Variants in RYR3 observed in about 807,000 individuals in gnomAD.
RYR3 encodes the protein ryanodine receptor 3.
RYR3 carries 207 observed loss-of-function variants against 584.3 expected under a neutral mutation model. That is an observed-to-expected ratio of 0.35 (90% CI 0.32 to 0.40). The LOEUF (loss-of-function observed/expected upper bound fraction) is 0.40, where lower values mean the gene tolerates loss of function less well. Ranked by LOEUF, RYR3 falls within the 10% of genes least tolerant of loss-of-function variation. The probability of loss-of-function intolerance (pLI) is 1.00; values close to 1 mark genes in which losing one functional copy is unlikely to be tolerated. For synonymous variants in RYR3, 2,416 were observed against 2,248.5 expected (o/e 1.07, Z -2.11); for missense variants, 5,616 against 6,089.2 (o/e 0.92, Z 2.59).
Position 33,854,759 on chromosome 15 carries a change from T to A in RYR3, c.13861-7T>A, listed in dbSNP as rs745981470. 1 of 1,595,274 alleles carries A rather than the reference T, an allele frequency of 6.3e-7. No homozygotes were observed. The highest frequency in any genetic ancestry group is 8.5e-7 in the Non-Finnish European group (1 of 1,174,382). ...ATGCTTAAAAGTCTGCTTTCTTCCA[T>A]TCCCAGTCCTTTCTCTACCTTGCCT... On this transcript the variant is annotated splice_region_variant and splice_polypyrimidine_tract_variant and intron_variant, in intron 97 of 103. Transcript: ENST00000634891.
chr15:33,546,124 C>A (rs904973642), intron 8 of RYR3, among the ~76,000 whole-genome samples: 1 of 152,234 alleles, frequency 6.6e-6, no homozygotes, highest in African/African-American at 2.4e-5. Context: ...CCTCAGTAAC[C>A]TTGTGAGATT....
Position 33,683,123 on chromosome 15 carries a change from T to G in RYR3, c.5860+12567T>G, listed in dbSNP as rs553817066. Among the ~76,000 whole-genome samples the G allele has an allele frequency of 6.6e-5, 10 of 151,902 alleles. No homozygotes were observed. The East Asian group carries it at 1.8e-3, about 27-fold the overall frequency. On this transcript the variant is annotated intron_variant, in intron 38 of 103. Transcript: ENST00000634891. ...CATTCTCCTTCCTCAGCCTCCCGAG[T>G]AGCTGGGACTACAGGCGCCTGCCAC...
chr15:33,439,964 T>G (rs2046080564), intron 1 of RYR3, among the ~76,000 whole-genome samples: 1 of 152,200 alleles, frequency 6.6e-6, no homozygotes, highest in African/African-American at 2.4e-5. Flanking sequence ...GAATTTGTTT[T>G]AAATTCTTTA....
chr15:33,626,211 T>C (rs970842454), intron 20 of RYR3, among the ~76,000 whole-genome samples: 2 of 152,220 alleles, frequency 1.3e-5, no homozygotes, highest in Admixed American at 1.3e-4. Flanking sequence ...TGGGAAGACT[T>C]GTTGAATGGC....
intron 3 of RYR3, among the ~76,000 whole-genome samples, chr15:33,524,673 CT>C (rs151031104): frequency 2.6e-5 from 4 of 152,110 alleles, no homozygotes; most frequent in Non-Finnish European, 4.4e-5. Context: ...TAGCATTAAG[CT>C]TTTTTTTCCC....
At chr15:33,424,538 T>G (rs2044465396) in intron 1 of RYR3, among the ~76,000 whole-genome samples, 1 of 152,168 alleles carries the variant, frequency 6.6e-6, no homozygotes. Context: ...CACTGGCCAG[T>G]GTAGACCAGA....
rs779553565 is a variant in RYR3 at position 33,780,254 on chromosome 15, G to A, written c.9181G>A (p.Ala3061Thr). The change falls in exon 65 of 104, where the codon GCC (alanine) becomes ACC (threonine). Residue 3061 changes from alanine (A) to threonine (T), a missense_variant. Physicochemically the swap from Ala to Thr is moderately conservative, Grantham distance 58. Coordinates refer to ENST00000634891, the MANE Select transcript of RYR3 (RefSeq NM_001036.6). ...LGECLASLAA[A>T]IPVAFLEPTL... The stretch of plus-strand genomic sequence containing the variant: ...AGAATGTCTGGCCTCGCTGGCAGCT[G>A]CCATACCAGTGGCATTCCTGGAGCC... 2 of 1,613,912 alleles carry A rather than the reference G, an allele frequency of 1.2e-6. No homozygotes were observed. Among genetic ancestry groups the A allele is most frequent in the South Asian group, 2.2e-5 (2 of 91,074 alleles).
chr15:33,628,455 G>A lies in RYR3; in HGVS notation c.2575-16G>A, dbSNP rs1185611549. On this transcript the variant is annotated splice_polypyrimidine_tract_variant and intron_variant, in intron 20 of 103. Coordinates refer to ENST00000634891, the MANE Select transcript of RYR3 (RefSeq NM_001036.6). ...TCAAAACAATCGATTCTTTTCACTT[G>A]CTCCTTTTCCTTTAGGTTATTTTGC... 6.5e-7 allele frequency: 1 copy of A among 1,542,146 alleles called. No individual in the cohort carries two copies. Among genetic ancestry groups the A allele is most frequent in the Non-Finnish European group, 9.0e-7 (1 of 1,114,942 alleles).
intron 32 of RYR3, among the ~76,000 whole-genome samples, chr15:33,658,155 T>C (rs769358793): frequency 2.6e-5 from 4 of 152,238 alleles, no homozygotes; most frequent in Non-Finnish European, 2.9e-5. Context: ...GTCCAGGGTC[T>C]CACAAGGATA....
intron 67 of RYR3, among the ~76,000 whole-genome samples, chr15:33,797,871 G>C (rs905159058): frequency 6.6e-6 from 1 of 152,144 alleles, no homozygotes; most frequent in Non-Finnish European, 1.5e-5. Context: ...TTTGACATTT[G>C]ACCCTGAAAA....
intron 1 of RYR3, among the ~76,000 whole-genome samples, chr15:33,393,424 C>G (rs1385448602): frequency 1.3e-5 from 2 of 152,098 alleles, no homozygotes; most frequent in Admixed American, 1.3e-4. Flanking sequence ...TGCTGAGAAC[C>G]TACATAACAT....
chr15:33,600,059 G>A (rs2059583122), intron 16 of RYR3, among the ~76,000 whole-genome samples: 1 of 152,126 alleles, frequency 6.6e-6, no homozygotes, highest in African/African-American at 2.4e-5. Flanking sequence ...CTTTTCTTAG[G>A]GTGAGAAATT....
chr15:33,576,281 C>T (rs1324201491), intron 12 of RYR3, among the ~76,000 whole-genome samples: 1 of 152,198 alleles, frequency 6.6e-6, no homozygotes, highest in African/African-American at 2.4e-5. Flanking sequence ...AGGCCAGAAT[C>T]ATCCTGATAC....
intron 1 of RYR3, among the ~76,000 whole-genome samples, chr15:33,391,338 A>G (rs766921051): frequency 8.5e-5 from 13 of 152,184 alleles, no homozygotes; most frequent in Admixed American, 2.0e-4. Flanking sequence ...AAAAGTAGTT[A>G]AAATTTGGGC....
chr15:33,543,558 T>G, intron 7 of RYR3, 64 bp from the exon 8 acceptor site: 1 of 1,070,546 alleles, frequency 9.3e-7, no homozygotes, highest in Non-Finnish European at 1.5e-6. Flanking sequence ...TTTACCCTTT[T>G]TAAATATGCC....
rs571537461 is a variant in RYR3, at chr15:33,577,321, GC to G, written c.1269-2654del. ...ACCCATATAACCAAGACAATCCTGA[GC>G]AAAAAGAATAAAGACAGAGGCATCA... On this transcript the variant is annotated intron_variant, in intron 12 of 103. Transcript: ENST00000634891. 9.2e-5 allele frequency among the ~76,000 whole-genome samples: 14 copies of G among 152,220 alleles called. No individual in the cohort carries two copies. The South Asian group carries it at 1.9e-3, about 20-fold the overall frequency.
intron 40 of RYR3, among the ~76,000 whole-genome samples, chr15:33,699,259 C>T (rs2339300): frequency 0.015 from 1,644 of 110,050 alleles, 23 homozygotes; most frequent in Non-Finnish European, 0.021. Context: ...TCTCTCCCCC[C>T]CTTTCTCTCT....
rs752643586 is a variant in RYR3, at chr15:33,865,127, T to G, written c.14518-4T>G. 3.1e-6 allele frequency: 5 copies of G among 1,609,122 alleles called. No individual in the cohort carries two copies. Among genetic ancestry groups the G allele is most frequent in the Admixed American group, 3.3e-5 (2 of 59,748 alleles). On this transcript the variant is annotated splice_region_variant and splice_polypyrimidine_tract_variant and intron_variant, in intron 103 of 103. Transcript: ENST00000634891. The stretch of plus-strand genomic sequence containing the variant: ...ATAAGCACCCGTTGTTCATATTATT[T>G]CAGGAATCTTATGTCTGGAAGATGT...
intron 1 of RYR3, among the ~76,000 whole-genome samples, chr15:33,340,968 A>C (rs1219665928): frequency 6.6e-6 from 1 of 152,054 alleles, no homozygotes; most frequent in Non-Finnish European, 1.5e-5. Flanking sequence ...CATTGGAATC[A>C]CCTGTACCTG....
Sources: gnomAD v4.1 joint callset for allele counts (sites outside exome capture counted in the v4.1 genomes callset) on GRCh38, gnomAD v4.1.1 for gene constraint, MANE v1.5 for transcripts, NCBI Gene and HGNC (gene_info 2026-07-23, HGNC 2026-07-21) for gene names.